CNIH3: variants seen among roughly 807,000 people sequenced by gnomAD.
The protein encoded by CNIH3 is cornichon family AMPA receptor auxiliary protein 3.
Under a neutral mutation model 24.1 loss-of-function variants are expected in CNIH3, and 14 were observed. The ratio of observed to expected loss-of-function variants is 0.58; its 90% CI spans 0.38 to 0.91. The LOEUF (loss-of-function observed/expected upper bound fraction) is 0.91. Ranked by LOEUF, CNIH3 falls within the 40% of genes least tolerant of loss-of-function variation. CNIH3 has a pLI of 0.00. For synonymous variants in CNIH3, 68 were observed against 73.8 expected (o/e 0.92, Z 0.40); for missense variants, 178 against 196.8 (o/e 0.90, Z 0.57).
intron 1 of CNIH3, among the ~76,000 whole-genome samples, chr1:224,436,232 G>A (rs1674659811): frequency 6.6e-6 from 1 of 152,170 alleles, no homozygotes; most frequent in Non-Finnish European, 1.5e-5. Flanking sequence ...CTGAGTTCTA[G>A]TTGAGGTTCA....
At chr1:224,637,098 T>C (rs56879180) in intron 1 of CNIH3, among the ~76,000 whole-genome samples, 6,085 of 152,044 alleles carry the variant, frequency 0.04, 320 homozygotes, top group African/African-American at 0.13. Flanking sequence ...ATTACAGGCA[T>C]GTGCTACCAC....
At chr1:224,517,775 T>A (rs1309217247) in intron 1 of CNIH3, among the ~76,000 whole-genome samples, 2 of 152,340 alleles carry the variant, frequency 1.3e-5, no homozygotes, top group South Asian at 4.1e-4. Flanking sequence ...ACAGTCTCGA[T>A]CCGGGTTGCT....
rs534467120 is a variant in CNIH3 at position 224,548,429 on chromosome 1, C to A, written n.450+1490C>A. 1.1e-4 allele frequency among the ~76,000 whole-genome samples: 17 copies of A among 152,052 alleles called. No homozygotes were observed. The East Asian group carries it at 1.4e-3, about 12-fold the overall frequency. On this transcript the variant is annotated intron_variant and non_coding_transcript_variant, in intron 3 of 5. Coordinates refer to the CNIH3 transcript ENST00000471578. The stretch of plus-strand genomic sequence containing the variant: ...AGTAAGCATTCACCCTGTGTGTACA[C>A]CCTGTGATATTATTTGTAATATATA...
rs114076339 is a variant in CNIH3, at chr1:224,462,181, A to C, written n.203+27319A>C. Among the ~76,000 whole-genome samples the C allele has an allele frequency of 1.0e-2, 1,516 of 152,072 alleles. 21 individuals are homozygous for C. Among genetic ancestry groups the C allele is most frequent in the African/African-American group, 0.035 (1,436 of 41,452 alleles). Reference sequence around the variant, plus strand: ...TTGACATCACTATCACTCAGTCCATAGTTTACAGTAGGGTTGGTTCACTCT... The same window carrying C: ...TTGACATCACTATCACTCAGTCCATCGTTTACAGTAGGGTTGGTTCACTCT... On this transcript the variant is annotated intron_variant and non_coding_transcript_variant, in intron 1 of 5. Transcript: ENST00000471578.
chr1:224,513,928 G>A (rs1410726548), upstream of CNIH3: 4 of 152,204 alleles, frequency 2.6e-5, no homozygotes. Flanking sequence ...GCCGGGAGAG[G>A]GCGTCTGGGT....
intron 1 of CNIH3, among the ~76,000 whole-genome samples, chr1:224,659,963 T>C (rs1685270282): frequency 6.6e-6 from 1 of 152,206 alleles, no homozygotes. Flanking sequence ...GTGATTTTAT[T>C]AAGAGCAAAT....
At position 224,739,551 on chromosome 1, in the gene CNIH3, C is replaced by A; in HGVS notation, c.*195C>A. ...GTTAACCCTGCGTGTCTGTGTCACC[C>A]TGTTTGTCAATCTTTGGCATTCGAA... On this transcript the variant is annotated 3_prime_UTR_variant, in exon 6 of 6. Coordinates refer to ENST00000272133, the MANE Select transcript of CNIH3 (RefSeq NM_152495.2). The A allele has an allele frequency of 9.9e-7, 1 of 1,006,872 alleles. No homozygotes were observed. The highest frequency in any genetic ancestry group is 1.4e-6 in the Non-Finnish European group (1 of 696,352). The allele number at this position is 1,006,872 out of a possible 1,614,324, so 62.4% of individuals were successfully genotyped here.
chr1:224,464,996 G>A lies in CNIH3; in HGVS notation n.203+30134G>A, dbSNP rs188502863. Among the ~76,000 whole-genome samples, 21 of 152,056 alleles carry A rather than the reference G, an allele frequency of 1.4e-4. No individual in the cohort carries two copies. In the East Asian group the frequency reaches 2.9e-3, roughly 21 times the overall value. On this transcript the variant is annotated intron_variant and non_coding_transcript_variant, in intron 1 of 5. Coordinates refer to the CNIH3 transcript ENST00000471578. ...TTTTTTGTAGAAACAGTCTCACCAT[G>A]TTGCCCAGGCTGGTCTGAAACTTCT...
chr1:224,490,712 G>A (rs1363968952), intron 1 of CNIH3, among the ~76,000 whole-genome samples: 6 of 152,122 alleles, frequency 3.9e-5, no homozygotes, highest in Admixed American at 3.9e-4. Context: ...GTACTTTTAT[G>A]TGTCACATTA....
intron 4 of CNIH3, among the ~76,000 whole-genome samples, chr1:224,575,570 C>T (rs1681002611): frequency 6.6e-6 from 1 of 151,962 alleles, no homozygotes; most frequent in African/African-American, 2.4e-5. Flanking sequence ...AATAGAGTAG[C>T]TTTGCTTTGC....
intron 1 of CNIH3, among the ~76,000 whole-genome samples, chr1:224,494,805 C>T (rs1417383546): frequency 6.6e-6 from 1 of 152,180 alleles, no homozygotes; most frequent in African/African-American, 2.4e-5. Context: ...TGATTCTGAA[C>T]TGGACTCATG....
At chr1:224,441,910 A>G (rs905598549) in intron 1 of CNIH3, among the ~76,000 whole-genome samples, 2 of 152,198 alleles carry the variant, frequency 1.3e-5, no homozygotes, top group African/African-American at 4.8e-5. Context: ...TCAGTCATTA[A>G]CAACAAAAAG....
At chr1:224,708,612 C>T (rs896046597) in intron 3 of CNIH3, among the ~76,000 whole-genome samples, 10 of 152,162 alleles carry the variant, frequency 6.6e-5, no homozygotes, top group African/African-American at 2.2e-4. Context: ...GTCCCAGTTG[C>T]CAAATCTAAT....
intron 1 of CNIH3, among the ~76,000 whole-genome samples, chr1:224,450,803 T>C (rs1268253386): frequency 6.6e-6 from 1 of 152,232 alleles, no homozygotes; most frequent in Non-Finnish European, 1.5e-5. Flanking sequence ...CTTGGAGCCA[T>C]GCGGTCTGTG....
rs963249567 is a variant in CNIH3, at chr1:224,712,936, A to T, written c.199-17526A>T. On this transcript the variant is annotated intron_variant, in intron 3 of 5. Coordinates refer to ENST00000272133, the MANE Select transcript of CNIH3 (RefSeq NM_152495.2). The stretch of plus-strand genomic sequence containing the variant: ...CACCTTAAAAACTCCAGAGAGCATT[A>T]TCCTAAGTTGCCAAATGTCTCAGAT... 3.3e-5 allele frequency among the ~76,000 whole-genome samples: 5 copies of T among 152,216 alleles called. 1 individual carries two copies. The highest frequency in any genetic ancestry group is 1.2e-4 in the African/African-American group (5 of 41,456).
intron 4 of CNIH3, among the ~76,000 whole-genome samples, chr1:224,569,846 C>T (rs1224915373): frequency 3.9e-5 from 6 of 151,914 alleles, no homozygotes; most frequent in Non-Finnish European, 7.4e-5. Context: ...TGCAATGGCG[C>T]GATCTCAGCT....
Position 224,624,238 on chromosome 1 carries a change from G to A in CNIH3, c.81+6983G>A, listed in dbSNP as rs543179924. On this transcript the variant is annotated intron_variant, in intron 1 of 5. Transcript: ENST00000272133. ...ATTTAGTGCTTATCTTGGCCTCTCC[G>A]TGGCTTTGAGACTGCTGTCCGTGTC... Among the ~76,000 whole-genome samples the A allele has an allele frequency of 1.5e-4, 23 of 152,298 alleles. No individual in the cohort carries two copies. In the South Asian group the frequency reaches 4.1e-3, roughly 27 times the overall value.
intron 3 of CNIH3, among the ~76,000 whole-genome samples, chr1:224,596,768 G>A (rs1681997665): frequency 6.6e-6 from 1 of 152,126 alleles, no homozygotes; most frequent in Non-Finnish European, 1.5e-5. Flanking sequence ...CATTCCCAAA[G>A]CAGCTTTGGA....
At position 224,664,087 on chromosome 1, in the gene CNIH3, A is replaced by G. The variant is rs115286206; in HGVS notation, c.82-16871A>G. Among the ~76,000 whole-genome samples the G allele has an allele frequency of 5.7e-3, 875 of 152,246 alleles. 14 individuals carry two copies. The highest frequency in any genetic ancestry group is 0.02 in the African/African-American group (824 of 41,518). On this transcript the variant is annotated intron_variant, in intron 1 of 5. Coordinates refer to ENST00000272133, the MANE Select transcript of CNIH3 (RefSeq NM_152495.2). ...AGTGATGGGAGATTGCCTTAAATCA[A>G]TTCCTCTCAGCCAACTAAAATTGGG...
Sources: allele counts gnomAD v4.1 joint callset (sites outside exome capture counted in the v4.1 genomes callset), GRCh38; gene constraint gnomAD v4.1.1; transcripts MANE v1.5; gene names NCBI Gene and HGNC (gene_info 2026-07-23, HGNC 2026-07-21).